Variants in UGT1A4 observed in about 807,000 individuals in gnomAD.
UGT1A4 encodes UDP glucuronosyltransferase family 1 member A4, also known as UDP-glucuronosyltransferase 1A4.
A neutral mutation model predicts 41.1 loss-of-function variants in UGT1A4; 32 were observed. The observed-to-expected ratio is 0.78, with a 90% CI of 0.59 to 1.05. UGT1A4 has a LOEUF of 1.05. Among genes scored for constraint, UGT1A4 ranks in the 50% least tolerant of loss-of-function variants. The pLI is 0.00. For missense variants in UGT1A4, 748 were observed against 677.4 expected (o/e 1.10, Z -1.16); for synonymous variants, 283 against 265.1 (o/e 1.07, Z -0.66).
intron 1 of UGT1A4, among the ~76,000 whole-genome samples, chr2:233,744,373 G>A (rs1353064237): frequency 6.6e-6 from 1 of 151,860 alleles, no homozygotes; most frequent in Non-Finnish European, 1.5e-5. Context: ...TAGGACTGCA[G>A]TTCTCCAACG....
chr2:233,729,143 A>G lies in UGT1A4; in HGVS notation c.867+9456A>G, dbSNP rs28898617. Reference sequence around the variant, plus strand: ...TCTGCTGAGATGGCCACAGGACTCCAGGTTCCCCTGCCGTGGCTGGCCACA... The same window carrying G: ...TCTGCTGAGATGGCCACAGGACTCCGGGTTCCCCTGCCGTGGCTGGCCACA... On this transcript the variant is annotated intron_variant, in intron 1 of 4. Transcript: ENST00000373409. 1.4e-3 allele frequency: 2,190 copies of G among 1,613,464 alleles called. 46 individuals are homozygous for G. The East Asian group carries it at 0.046, about 34-fold the overall frequency.
rs529035115 is a variant in UGT1A4 at position 233,718,838 on chromosome 2, G to T, written c.18G>T (p.Gln6His). The T allele has an allele frequency of 2.5e-6, 4 of 1,613,656 alleles. No individual in the cohort carries two copies. The South Asian group carries it at 4.4e-5, about 18-fold the overall frequency. MARGLQVPLPRLATGL... is the reference protein window; with the variant it reads MARGLHVPLPRLATGL... ...CTGCTGAGATGGCCAGAGGACTCCA[G>T]GTTCCCCTGCCGCGGCTGGCCACAG... The change falls in exon 1 of 5, where the codon CAG (glutamine) becomes CAT (histidine). Residue 6 changes from glutamine (Q) to histidine (H), a missense_variant. By Grantham distance (24) the Gln-to-His change is conservative. Coordinates refer to ENST00000373409, the MANE Select transcript of UGT1A4 (RefSeq NM_007120.3).
At chr2:233,737,003 G>T (rs560792837) in intron 1 of UGT1A4, among the ~76,000 whole-genome samples, 1 of 152,206 alleles carries the variant, frequency 6.6e-6, no homozygotes, top group African/African-American at 2.4e-5. Flanking sequence ...TCAGGGACCC[G>T]CTTGAGGAGG....
chr2:233,760,186 C>A (rs1697340087), intron 1 of UGT1A4: 1 of 1,558,560 alleles, frequency 6.4e-7, no homozygotes, highest in African/African-American at 1.4e-5. Flanking sequence ...TTTTTATAGT[C>A]ACGTGACACA....
At chr2:233,751,309 A>G (rs1694697613) in intron 1 of UGT1A4, among the ~76,000 whole-genome samples, 1 of 151,862 alleles carries the variant, frequency 6.6e-6, no homozygotes, top group African/African-American at 2.4e-5. Context: ...ATATTTACCC[A>G]ATTTCTGTAC....
chr2:233,732,903 T>A (rs1448905954), intron 1 of UGT1A4, among the ~76,000 whole-genome samples: 1 of 152,162 alleles, frequency 6.6e-6, no homozygotes, highest in Non-Finnish European at 1.5e-5. Flanking sequence ...CCTTGGGCAG[T>A]ATGGCCATTT....
chr2:233,736,374 G>A lies in UGT1A4; in HGVS notation c.867+16687G>A, dbSNP rs183988627. On this transcript the variant is annotated intron_variant, in intron 1 of 4. Coordinates refer to ENST00000373409, the MANE Select transcript of UGT1A4 (RefSeq NM_007120.3). ...TTTCAGCTCCATCAGGTCATTTAAG[G>A]TCTTCTCTACAGTGTTTATTCTAGT... Among the ~76,000 whole-genome samples the A allele has an allele frequency of 2.8e-3, 425 of 152,220 alleles. 22 individuals carry two copies. The South Asian group carries it at 0.086, about 31-fold the overall frequency.
intron 1 of UGT1A4, chr2:233,741,590 C>T (rs4663964): frequency 0.069 from 10,438 of 151,876 alleles, 561 homozygotes; most frequent in East Asian, 0.2. Flanking sequence ...CACCTCGGAG[C>T]ATGTTGATTT....
At chr2:233,765,043 G>A (rs987996173) in intron 1 of UGT1A4, among the ~76,000 whole-genome samples, 14 of 152,044 alleles carry the variant, frequency 9.2e-5, no homozygotes, top group Admixed American at 4.6e-4. Flanking sequence ...TGCAAATTGC[G>A]TTTGCTGAGC....
intron 1 of UGT1A4, among the ~76,000 whole-genome samples, chr2:233,748,966 G>A (rs1694075594): frequency 6.6e-6 from 1 of 151,630 alleles, no homozygotes; most frequent in Non-Finnish European, 1.5e-5. Flanking sequence ...AGTTTCTATA[G>A]TGGGATCTAC....
At chr2:233,743,713 A>C in intron 1 of UGT1A4, 1 of 1,367,332 alleles carries the variant, frequency 7.3e-7, no homozygotes, top group Non-Finnish European at 9.8e-7. Flanking sequence ...CCGCCTCGCC[A>C]TAGCGGTCAT....
Position 233,769,884 on chromosome 2 carries a change from C to T in UGT1A4, c.1307+1445C>T, listed in dbSNP as rs1466829536. On this transcript the variant is annotated intron_variant, in intron 4 of 4. Transcript: ENST00000373409. The surrounding 1 kb of genome is among the most constrained non-coding windows in gnomAD (Gnocchi z 4.4). The stretch of plus-strand genomic sequence containing the variant: ...AAAAAAAAAAAAAAAATGAAAAGTC[C>T]ACATAACCTGAGCATCATGTGCCCA... 5.0e-6 allele frequency: 2 copies of T among 403,872 alleles called. No individual in the cohort carries two copies. Among genetic ancestry groups the T allele is most frequent in the Non-Finnish European group, 8.7e-6 (2 of 230,852 alleles). 25.0% of individuals were successfully genotyped at this position (403,872 alleles called of 1,614,324 possible).
chr2:233,769,811 T>C lies in UGT1A4; in HGVS notation c.1307+1372T>C. 9.8e-7 allele frequency: 1 copy of C among 1,015,422 alleles called. No individual in the cohort carries two copies. The highest frequency in any genetic ancestry group is 2.2e-5 in the South Asian group (1 of 46,182). The allele number at this position is 1,015,422 out of a possible 1,614,324, so 62.9% of individuals were successfully genotyped here. A position where few individuals can be genotyped will look rare whatever the true frequency, so the allele number is the denominator to read the frequency against. On this transcript the variant is annotated intron_variant, in intron 4 of 4. Transcript: ENST00000373409. This position sits in a 1 kb window ranked among gnomAD's most constrained non-coding sequence, Gnocchi z 4.4. ...TGGAGGCTGCTATGAGCCGTGATCA[T>C]GCCACTGCACTCCAGCAACCTGGGC...
intron 1 of UGT1A4, among the ~76,000 whole-genome samples, chr2:233,759,538 A>G (rs1009544779): frequency 6.6e-6 from 1 of 152,036 alleles, no homozygotes; most frequent in Non-Finnish European, 1.5e-5. Context: ...TTCTGTTCAC[A>G]TGCGCTCCAG....
At chr2:233,756,741 CCTT>C (rs1339727663) in intron 1 of UGT1A4, among the ~76,000 whole-genome samples, 3 of 152,100 alleles carry the variant, frequency 2.0e-5, no homozygotes, top group African/African-American at 7.2e-5. Context: ...TTCACCTCCT[CCTT>C]ATTCTCTTTT....
chr2:233,757,554 ATATATATG>A lies in UGT1A4; in HGVS notation c.868-9471_868-9464del, dbSNP rs1052235726. On this transcript the variant is annotated intron_variant, in intron 1 of 4. Transcript: ENST00000373409. ...GTAAGGAATATATATATATATATAT[ATATATATG>A]TATATATGATATAGCTATAGTCTAA... Among the ~76,000 whole-genome samples the A allele has an allele frequency of 3.8e-3, 481 of 125,326 alleles. 1 individual carries two copies. Among genetic ancestry groups the A allele is most frequent in the Non-Finnish European group, 4.6e-3 (284 of 61,224 alleles). 82.2% of individuals were successfully genotyped at this position (125,326 alleles called of 152,430 possible).
intron 1 of UGT1A4, among the ~76,000 whole-genome samples, chr2:233,733,323 T>C (rs921178929): frequency 2.6e-5 from 4 of 152,220 alleles, no homozygotes; most frequent in African/African-American, 9.6e-5. Flanking sequence ...CTGATTGCCC[T>C]GGCCAGAACT....
intron 1 of UGT1A4, among the ~76,000 whole-genome samples, chr2:233,731,547 T>A (rs548605747): frequency 6.6e-6 from 1 of 152,218 alleles, no homozygotes; most frequent in Non-Finnish European, 1.5e-5. Flanking sequence ...TGGTTTTCTG[T>A]CCATGTGATA....
intron 1 of UGT1A4, chr2:233,748,062 A>G (rs531373066): frequency 3.5e-4 from 569 of 1,613,430 alleles, no homozygotes; most frequent in Admixed American, 9.3e-4. Context: ...CTGTGCCAAC[A>G]GGAAGCCACT....
Sources: gnomAD v4.1 joint callset for allele counts (sites outside exome capture counted in the v4.1 genomes callset) on GRCh38, gnomAD v4.1.1 for gene constraint, Gnocchi (gnomAD v3.1) non-coding constraint, MANE v1.5 for transcripts, NCBI Gene and HGNC (gene_info 2026-07-23, HGNC 2026-07-21) for gene names.